Variants in KAZN observed in about 807,000 individuals in gnomAD.
The protein encoded by KAZN is kazrin, periplakin interacting protein.
In KAZN, 40 loss-of-function variants were observed where a neutral mutation model predicts 87.4. That is an observed-to-expected ratio of 0.46 (90% CI 0.36 to 0.60). KAZN has a LOEUF of 0.60. KAZN is among the 20% of genes least tolerant of loss of function. KAZN has a pLI of 0.00. For missense variants in KAZN, 898 were observed against 1,073.9 expected (o/e 0.84, Z 2.29); for synonymous variants, 466 against 458.3 (o/e 1.02, Z -0.22).
At chr1:14,306,902 T>TCTCACC (rs1343513255) in intron 2 of KAZN, among the ~76,000 whole-genome samples, 1 of 152,146 alleles carries the variant, frequency 6.6e-6, no homozygotes, top group Non-Finnish European at 1.5e-5. Context: ...TTGGCTCCTA[T>TCTCACC]CAGAGGCTTA....
chr1:14,286,715 A>G (rs146058092), intron 2 of KAZN, among the ~76,000 whole-genome samples: 1,843 of 152,276 alleles, frequency 0.012, 116 homozygotes, highest in Admixed American at 0.1. Flanking sequence ...GGTCCCCTAG[A>G]TTAACATCCC....
chr1:14,791,446 C>A (rs1428809275), intron 1 of KAZN, among the ~76,000 whole-genome samples: 1 of 152,230 alleles, frequency 6.6e-6, no homozygotes, highest in East Asian at 1.9e-4. Context: ...TCATTCCAAA[C>A]ACCTGCTCAG....
chr1:14,148,739 T>C (rs1645405827), intron 1 of KAZN, among the ~76,000 whole-genome samples: 1 of 152,214 alleles, frequency 6.6e-6, no homozygotes, highest in Non-Finnish European at 1.5e-5. Flanking sequence ...TACATGTGGA[T>C]GGCAGGCTTT....
At chr1:14,707,599 G>A (rs1410072594) in intron 1 of KAZN, among the ~76,000 whole-genome samples, 1 of 152,140 alleles carries the variant, frequency 6.6e-6, no homozygotes, top group Non-Finnish European at 1.5e-5. Flanking sequence ...TAATGCTACA[G>A]AGGAGCCCGG....
chr1:14,481,726 C>T (rs1343007808), intron 2 of KAZN, among the ~76,000 whole-genome samples: 1 of 151,576 alleles, frequency 6.6e-6, no homozygotes, highest in African/African-American at 2.4e-5. Flanking sequence ...GATGTATACA[C>T]AGGGCAACTA....
chr1:14,769,499 C>A lies in KAZN; in HGVS notation c.226+170276C>A, dbSNP rs1427133774. On this transcript the variant is annotated intron_variant, in intron 1 of 14. Transcript: ENST00000376030. This position sits in a 1 kb window ranked among gnomAD's most constrained non-coding sequence, Gnocchi z 4.1. ...TCTCCTGAGTATCTGGGATTACAGG[C>A]GCCCACCACCACGCCCGGCTAATTT... 1.3e-5 allele frequency among the ~76,000 whole-genome samples: 2 copies of A among 152,084 alleles called. No individual in the cohort carries two copies. The highest frequency in any genetic ancestry group is 1.3e-4 in the Admixed American group (2 of 15,266).
At chr1:14,140,534 C>T (rs891423470) in intron 1 of KAZN, among the ~76,000 whole-genome samples, 2 of 152,046 alleles carry the variant, frequency 1.3e-5, no homozygotes, top group Admixed American at 6.6e-5. Flanking sequence ...CCTTCCCACC[C>T]CCCTTTTCGC....
At chr1:14,268,237 G>A (rs1033695074) in intron 2 of KAZN, among the ~76,000 whole-genome samples, 1 of 152,154 alleles carries the variant, frequency 6.6e-6, no homozygotes, top group Non-Finnish European at 1.5e-5. Flanking sequence ...TTTGCACAGT[G>A]CCTGGTACAT....
chr1:14,678,930 G>C (rs907022181), intron 1 of KAZN, among the ~76,000 whole-genome samples: 2 of 152,186 alleles, frequency 1.3e-5, no homozygotes, highest in Non-Finnish European at 2.9e-5. Flanking sequence ...AGGTTAGTGA[G>C]GGAACCAGAG....
intron 1 of KAZN, among the ~76,000 whole-genome samples, chr1:14,138,082 A>AGTGTGTGTGTGTGTGTGT (rs149980453): frequency 2.0e-5 from 3 of 149,964 alleles, no homozygotes; most frequent in African/African-American, 7.4e-5. Context: ...TAAATGTTAC[A>AGTGTGTGTGTGTGTGTGT]GTGTGTGTGT....
intron 2 of KAZN, among the ~76,000 whole-genome samples, chr1:14,488,510 T>A (rs1207923230): frequency 1.3e-5 from 2 of 152,172 alleles, no homozygotes; most frequent in African/African-American, 4.8e-5. Context: ...GGGCCTCCAC[T>A]TCCCCATCTA....
intron 1 of KAZN, among the ~76,000 whole-genome samples, chr1:13,956,989 A>G (rs1225420610): frequency 1.3e-5 from 2 of 152,200 alleles, no homozygotes; most frequent in South Asian, 2.1e-4. Flanking sequence ...TGAGGGCATG[A>G]TGAGGCTGGG....
intron 1 of KAZN, among the ~76,000 whole-genome samples, chr1:14,636,928 G>A (rs184124030): frequency 2.0e-5 from 3 of 152,304 alleles, no homozygotes; most frequent in Admixed American, 2.0e-4. Context: ...TGTTGGAGGG[G>A]AAATTCGACC....
At chr1:14,919,014 A>G (rs975564844) in intron 1 of KAZN, among the ~76,000 whole-genome samples, 11 of 152,048 alleles carry the variant, frequency 7.2e-5, no homozygotes, top group Non-Finnish European at 5.9e-5. Flanking sequence ...ACTTCCCATC[A>G]CTACCAGCGA....
intron 1 of KAZN, among the ~76,000 whole-genome samples, chr1:14,795,972 C>T (rs979090776): frequency 2.0e-5 from 3 of 152,204 alleles, no homozygotes; most frequent in Non-Finnish European, 2.9e-5. Context: ...GCCTTCTATA[C>T]TGTACATTTG....
rs1480745409 is a variant in KAZN at position 14,550,739 on chromosome 1, C to CTCTCTCTCTCTCT, written c.250-48244_250-48243insTCTCTCTCTCTCT. On this transcript the variant is annotated intron_variant, in intron 2 of 16. Transcript: ENST00000636203. ...TCTCTCTCTCTCTCTCTCTCTCTCTCCCCCACCCCGCCACCCCCTCTCCCC... is the reference window on the plus strand; with the variant it reads ...TCTCTCTCTCTCTCTCTCTCTCTCTCTCTCTCTCTCTCTCCCCACCCCGCCACCCCCTCTCCCC... 1.2e-3 allele frequency among the ~76,000 whole-genome samples: 81 copies of CTCTCTCTCTCTCT among 69,982 alleles called. 3 individuals are homozygous for CTCTCTCTCTCTCT. Among genetic ancestry groups the CTCTCTCTCTCTCT allele is most frequent in the South Asian group, 2.1e-3 (2 of 942 alleles). 45.9% of individuals were successfully genotyped at this position (69,982 alleles called of 152,430 possible). A position where few individuals can be genotyped will look rare whatever the true frequency, so the allele number is the denominator to read the frequency against.
At chr1:14,666,113 G>T (rs1382555323) in intron 1 of KAZN, among the ~76,000 whole-genome samples, 1 of 151,868 alleles carries the variant, frequency 6.6e-6, no homozygotes, top group African/African-American at 2.4e-5. Context: ...GACGGAGAGG[G>T]TCTGCCGAAA....
intron 10 of KAZN, among the ~76,000 whole-genome samples, chr1:15,098,328 A>G (rs1640887509): frequency 6.6e-6 from 1 of 152,218 alleles, no homozygotes; most frequent in Non-Finnish European, 1.5e-5. Context: ...AGCTCAAACC[A>G]ACAGCTGGGA....
intron 1 of KAZN, among the ~76,000 whole-genome samples, chr1:14,791,334 C>T (rs976884545): frequency 4.6e-5 from 7 of 152,218 alleles, no homozygotes; most frequent in African/African-American, 1.7e-4. Flanking sequence ...CACCTGCACA[C>T]GAGAAACCTC....
Sources: gnomAD v4.1 joint callset for allele counts (sites outside exome capture counted in the v4.1 genomes callset) on GRCh38, gnomAD v4.1.1 for gene constraint, Gnocchi (gnomAD v3.1) non-coding constraint, MANE v1.5 for transcripts, NCBI Gene and HGNC (gene_info 2026-07-23, HGNC 2026-07-21) for gene names.